The following TXNDC16 variants were observed in gnomAD, a reference collection of about 807,000 sequenced individuals.
The protein encoded by TXNDC16 is thioredoxin domain containing 16, also known as thioredoxin domain-containing protein 16.
A neutral mutation model predicts 85.6 loss-of-function variants in TXNDC16; 74 were observed. That is an observed-to-expected ratio of 0.86 (90% confidence interval 0.72 to 1.05). The LOEUF (loss-of-function observed/expected upper bound fraction) is 1.05. Among genes scored for constraint, TXNDC16 ranks in the 50% least tolerant of loss-of-function variants. The pLI is 0.00. For synonymous variants in TXNDC16, 335 were observed against 326.5 expected, an observed-to-expected ratio of 1.03 and a Z score of -0.28; for missense variants, 959 against 947.0, an observed-to-expected ratio of 1.01 and a Z score of -0.17.
At chr14:52,434,431 TAATA>T (rs1229813192) in intron 20 of TXNDC16, among the ~76,000 whole-genome samples, 8 of 152,254 alleles carry the variant, frequency 5.3e-5, no homozygotes, top group African/African-American at 1.9e-4. Flanking sequence ...TCAGTAATGA[TAATA>T]AATAATACTA....
intron 4 of TXNDC16, 78 bp from the exon 5 acceptor site, chr14:52,537,750 T>C: frequency 1.5e-5 from 12 of 824,098 alleles, no homozygotes; most frequent in Non-Finnish European, 2.4e-5. Flanking sequence ...AGAAGGAGAA[T>C]TAAATATTAC....
chr14:52,470,170 G>T lies in TXNDC16; in HGVS notation c.1485C>A (p.Asn495Lys), dbSNP rs1332561612. 2 of 1,594,478 alleles carry T rather than the reference G, an allele frequency of 1.3e-6. No individual in the cohort carries two copies. The highest frequency in any genetic ancestry group is 4.5e-5 in the East Asian group (2 of 44,488). The part of the protein sequence containing the change: ...TEDLLKFIQL[N>K]RISYPVNITS... ...TTATATTCACTGGATATGAAATCCT[G>T]TTGCTGGATAAACATATAACTATAT... The change falls in exon 16 of 21, where the codon AAC (asparagine) becomes AAA (lysine). Residue 495 changes from asparagine to lysine, a missense_variant. Transcript: ENST00000281741.
At chr14:52,533,315 T>C (rs897282956) in intron 6 of TXNDC16, among the ~76,000 whole-genome samples, 5 of 152,130 alleles carry the variant, frequency 3.3e-5, no homozygotes, top group African/African-American at 9.7e-5. Flanking sequence ...AAGTTTGTAG[T>C]TTTACTGTTA....
chr14:52,477,123 G>A (rs1226138136), intron 14 of TXNDC16, among the ~76,000 whole-genome samples: 1 of 152,150 alleles, frequency 6.6e-6, no homozygotes, highest in Admixed American at 6.5e-5. Context: ...ACAAACAAAT[G>A]CTGAGAGAAT....
chr14:52,445,375 ACTG>A (rs1194869766), intron 18 of TXNDC16, among the ~76,000 whole-genome samples: 1 of 152,188 alleles, frequency 6.6e-6, no homozygotes, highest in Non-Finnish European at 1.5e-5. Context: ...CTTAATAAAG[ACTG>A]CAGTCCCTTA....
At chr14:52,492,748 A>AG (rs1407314395) in intron 9 of TXNDC16, among the ~76,000 whole-genome samples, 1 of 152,154 alleles carries the variant, frequency 6.6e-6, no homozygotes, top group Admixed American at 6.5e-5. Flanking sequence ...CTTACCAGTC[A>AG]GGGGGCAGAA....
intron 16 of TXNDC16, among the ~76,000 whole-genome samples, chr14:52,457,561 T>C (rs1352342457): frequency 2.0e-5 from 3 of 152,200 alleles, no homozygotes; most frequent in Non-Finnish European, 4.4e-5. Flanking sequence ...TGAAATGATA[T>C]GCACATTATA....
At chr14:52,533,688 G>A (rs578033128) in intron 6 of TXNDC16, among the ~76,000 whole-genome samples, 110 of 152,282 alleles carry the variant, frequency 7.2e-4, no homozygotes, top group Admixed American at 2.9e-3. Context: ...TTCATCCCTT[G>A]GAATGACCAC....
intron 9 of TXNDC16, among the ~76,000 whole-genome samples, chr14:52,497,750 A>G (rs1308852409): frequency 6.6e-6 from 1 of 151,998 alleles, no homozygotes; most frequent in African/African-American, 2.4e-5. Flanking sequence ...GCATGGCAGC[A>G]TGCACCTGTA....
At chr14:52,435,171 C>A (rs2034996604) in intron 20 of TXNDC16, among the ~76,000 whole-genome samples, 1 of 151,376 alleles carries the variant, frequency 6.6e-6, no homozygotes, top group Non-Finnish European at 1.5e-5. Context: ...GAGGAGGAAA[C>A]CAAGAATGAC....
chr14:52,527,820 T>C (rs952028804), intron 6 of TXNDC16, among the ~76,000 whole-genome samples: 4 of 152,144 alleles, frequency 2.6e-5, no homozygotes, highest in Admixed American at 6.5e-5. Context: ...TCAGACTCTT[T>C]GGAGTTTTGG....
At chr14:52,547,924 A>G (rs1184763290) in intron 1 of TXNDC16, among the ~76,000 whole-genome samples, 1 of 152,368 alleles carries the variant, frequency 6.6e-6, no homozygotes, top group South Asian at 2.1e-4. Flanking sequence ...TCTGCACGTT[A>G]AAATTATACA....
At chr14:52,518,114 A>T (rs1488303348) in intron 7 of TXNDC16, among the ~76,000 whole-genome samples, 1 of 152,158 alleles carries the variant, frequency 6.6e-6, no homozygotes, top group Non-Finnish European at 1.5e-5. Context: ...CTTCTACCAC[A>T]TTCATTCTGT....
chr14:52,541,171 G>T (rs971607301), intron 4 of TXNDC16, among the ~76,000 whole-genome samples: 1 of 152,080 alleles, frequency 6.6e-6, no homozygotes, highest in Non-Finnish European at 1.5e-5. Flanking sequence ...GGGAGGCGGA[G>T]GTTGCAGTGA....
chr14:52,494,120 C>G (rs978664467), intron 9 of TXNDC16, among the ~76,000 whole-genome samples: 2 of 151,284 alleles, frequency 1.3e-5, no homozygotes, highest in Non-Finnish European at 2.9e-5. Context: ...GTATAGGATT[C>G]TCTTCGGCAA....
rs573305885 is a variant in TXNDC16 at position 52,503,378 on chromosome 14, C to T, written c.756+7862G>A. Among the ~76,000 whole-genome samples, 4 of 152,298 alleles carry T rather than the reference C, an allele frequency of 2.6e-5. No homozygotes were observed. In the South Asian group the frequency reaches 8.3e-4, roughly 32 times the overall value. On this transcript the variant is annotated intron_variant, in intron 9 of 20. Coordinates refer to ENST00000281741, the MANE Select transcript of TXNDC16 (RefSeq NM_020784.3). ...CAGGTACTCCTCTGAGACAAAACTT[C>T]CAGAGGAACAATCAGGCAGCAACAT...
chr14:52,523,569 A>G (rs1452618908), intron 6 of TXNDC16, among the ~76,000 whole-genome samples: 1 of 152,220 alleles, frequency 6.6e-6, no homozygotes, highest in Non-Finnish European at 1.5e-5. Context: ...GTGTATTATG[A>G]CTGGGCAGAT....
intron 16 of TXNDC16, among the ~76,000 whole-genome samples, chr14:52,464,942 CA>C (rs1178543451): frequency 6.6e-6 from 1 of 150,402 alleles, no homozygotes; most frequent in Non-Finnish European, 1.5e-5. Flanking sequence ...GACTCTGTCT[CA>C]AAAAAAATAA....
rs753424551 is a variant in TXNDC16 at position 52,455,469 on chromosome 14, A to G, written c.1704-7T>C. ...TGCAGCATATTTGGTTGACCTATGG[A>G]GAAAGGCAGTATTAAAATTCACGAT... On this transcript the variant is annotated splice_region_variant and splice_polypyrimidine_tract_variant and intron_variant, in intron 17 of 20. Coordinates refer to ENST00000281741, the MANE Select transcript of TXNDC16 (RefSeq NM_020784.3). 2.5e-6 allele frequency: 4 copies of G among 1,613,098 alleles called. No individual in the cohort carries two copies. The East Asian group carries it at 8.9e-5, about 36-fold the overall frequency.
Sources: allele counts gnomAD v4.1 joint callset (sites outside exome capture counted in the v4.1 genomes callset), GRCh38; gene constraint gnomAD v4.1.1; transcripts MANE v1.5; gene names NCBI Gene and HGNC (gene_info 2026-07-23, HGNC 2026-07-21).